LPAR1: variants seen among roughly 807,000 people sequenced by gnomAD.
LPAR1 encodes the protein LPA receptor 1.
LPAR1 carries 5 observed loss-of-function variants against 23.8 expected under a neutral mutation model. The ratio of observed to expected loss-of-function variants is 0.21; its 90% CI spans 0.11 to 0.44. The LOEUF is 0.44. LPAR1 is among the 20% of genes least tolerant of loss of function. The probability of loss-of-function intolerance (pLI) is 0.99; values close to 1 mark genes in which losing one functional copy is unlikely to be tolerated. For synonymous variants in LPAR1, 160 were observed against 164.7 expected (o/e 0.97, Z 0.22); for missense variants, 311 against 482.8 (o/e 0.64, Z 3.33).
At position 110,874,578 on chromosome 9, in the gene LPAR1, T is replaced by C. The variant is rs2078723223; in HGVS notation, c.*843A>G. 1 of 152,642 alleles carries C rather than the reference T, an allele frequency of 6.6e-6. No homozygotes were observed. The highest frequency in any genetic ancestry group is 1.5e-5 in the Non-Finnish European group (1 of 68,026). 9.5% of individuals were successfully genotyped at this position (152,642 alleles called of 1,614,324 possible). ...AGACTACGAAAATTTTCCTCTGATA[T>C]ACTGGTAATTAGAATGTACTTGGGT... On this transcript the variant is annotated 3_prime_UTR_variant, in exon 6 of 6. Transcript: ENST00000683809.
At chr9:110,951,560 A>G (rs1247406542) in intron 4 of LPAR1, among the ~76,000 whole-genome samples, 1 of 152,248 alleles carries the variant, frequency 6.6e-6, no homozygotes, top group Non-Finnish European at 1.5e-5. Flanking sequence ...AGGGAATCAG[A>G]GAATTAATTA....
At chr9:110,933,627 G>A (rs2094524583) in intron 5 of LPAR1, among the ~76,000 whole-genome samples, 1 of 152,050 alleles carries the variant, frequency 6.6e-6, no homozygotes, top group African/African-American at 2.4e-5. Context: ...CAACCCCTAG[G>A]AAACAGTGAT....
intron 2 of LPAR1, among the ~76,000 whole-genome samples, chr9:111,010,306 T>A (rs1397651709): frequency 6.6e-6 from 1 of 152,020 alleles, no homozygotes; most frequent in Admixed American, 6.6e-5. Context: ...ACAGTGGCTG[T>A]TCCTGGTGTC....
intron 2 of LPAR1, among the ~76,000 whole-genome samples, chr9:110,990,089 T>C (rs2096867101): frequency 6.6e-6 from 1 of 152,152 alleles, no homozygotes; most frequent in Non-Finnish European, 1.5e-5. Flanking sequence ...ATGCATCTAA[T>C]TACAGATTTT....
At chr9:111,007,842 G>A (rs994001807) in intron 2 of LPAR1, among the ~76,000 whole-genome samples, 7 of 152,064 alleles carry the variant, frequency 4.6e-5, no homozygotes, top group African/African-American at 7.2e-5. Flanking sequence ...AACTATATCC[G>A]GGAAATTGAA....
intron 5 of LPAR1, among the ~76,000 whole-genome samples, chr9:110,924,914 A>G (rs1479796867): frequency 6.6e-6 from 1 of 152,112 alleles, no homozygotes; most frequent in Admixed American, 6.6e-5. Flanking sequence ...GCCTTTCTCA[A>G]TAATTATCTA....
At chr9:110,968,238 T>C (rs2096283215) in intron 4 of LPAR1, among the ~76,000 whole-genome samples, 1 of 152,210 alleles carries the variant, frequency 6.6e-6, no homozygotes, top group African/African-American at 2.4e-5. Flanking sequence ...TGCCGATTTC[T>C]GCAGTATAAC....
chr9:110,886,442 C>T (rs1348956952), intron 5 of LPAR1, among the ~76,000 whole-genome samples: 2 of 142,434 alleles, frequency 1.4e-5, no homozygotes, highest in African/African-American at 2.5e-5. Flanking sequence ...AAAAACAATG[C>T]TACTCCAAGG....
At chr9:110,907,213 G>C (rs1374479616) in intron 5 of LPAR1, among the ~76,000 whole-genome samples, 1 of 152,074 alleles carries the variant, frequency 6.6e-6, no homozygotes, top group Non-Finnish European at 1.5e-5. Flanking sequence ...ATAATATTCT[G>C]TCCGGCAAAA....
intron 2 of LPAR1, chr9:110,999,353 C>T (rs1368047999): frequency 2.2e-6 from 1 of 453,522 alleles, no homozygotes; most frequent in Non-Finnish European, 4.4e-6. Flanking sequence ...AAAAGAACAG[C>T]TAGAAATAAA....
At chr9:110,996,990 A>T (rs1306856411) in intron 2 of LPAR1, among the ~76,000 whole-genome samples, 1 of 152,158 alleles carries the variant, frequency 6.6e-6, no homozygotes, top group Non-Finnish European at 1.5e-5. Context: ...CCCAAGCCCA[A>T]ATTGCAGCTG....
intron 2 of LPAR1, among the ~76,000 whole-genome samples, chr9:110,977,255 C>A (rs752265952): frequency 1.3e-4 from 20 of 152,172 alleles, no homozygotes; most frequent in Admixed American, 1.3e-3. Context: ...CACACTAACT[C>A]CTTTAAAAGG....
intron 1 of LPAR1, 34 bp from the exon 2 acceptor site, chr9:111,036,235 T>C (rs1356761161): frequency 6.6e-6 from 1 of 152,176 alleles, no homozygotes; most frequent in Non-Finnish European, 1.5e-5. Flanking sequence ...AGTCAAGTGA[T>C]GCCTAGTAGA....
chr9:110,990,082 C>T (rs1228135002), intron 2 of LPAR1, among the ~76,000 whole-genome samples: 1 of 152,048 alleles, frequency 6.6e-6, no homozygotes, highest in Non-Finnish European at 1.5e-5. Context: ...AAAGTGTATG[C>T]ATCTAATTAC....
intron 2 of LPAR1, chr9:110,999,556 T>C: frequency 2.5e-6 from 1 of 405,356 alleles, no homozygotes; most frequent in East Asian, 7.7e-5. Flanking sequence ...AACAAACATT[T>C]CTTTCTTACA....
intron 2 of LPAR1, among the ~76,000 whole-genome samples, chr9:110,986,528 A>C (rs2139347766): frequency 6.6e-6 from 1 of 152,150 alleles, no homozygotes; most frequent in South Asian, 2.1e-4. Context: ...AATATAGTGA[A>C]ACTCTGTCTC....
At chr9:110,973,610 G>A (rs2096485403) in intron 2 of LPAR1, 52 bp from the exon 3 acceptor site, 1 of 152,080 alleles carries the variant, frequency 6.6e-6, no homozygotes, top group South Asian at 2.1e-4. Context: ...CTCAAAGAGA[G>A]GATGCTAAAT....
chr9:110,950,404 G>A (rs2095531509), intron 4 of LPAR1, among the ~76,000 whole-genome samples: 2 of 149,370 alleles, frequency 1.3e-5, no homozygotes, highest in South Asian at 4.3e-4. Context: ...GGCGGAGGTT[G>A]CAGTGAGCGG....
chr9:110,953,459 T>C (rs2095634631), intron 4 of LPAR1, among the ~76,000 whole-genome samples: 1 of 151,862 alleles, frequency 6.6e-6, no homozygotes. Context: ...AGGTCGGAAG[T>C]TCAAGACCAG....
Sources: allele counts gnomAD v4.1 joint callset (sites outside exome capture counted in the v4.1 genomes callset), GRCh38; gene constraint gnomAD v4.1.1; transcripts MANE v1.5; gene names NCBI Gene and HGNC (gene_info 2026-07-23, HGNC 2026-07-21).